Variants in PTPRD observed in about 807,000 individuals in gnomAD.
PTPRD encodes the protein receptor-type tyrosine-protein phosphatase delta.
Under a neutral mutation model 214.5 loss-of-function variants are expected in PTPRD, and 34 were observed. The observed-to-expected ratio is 0.16, with a 90% confidence interval of 0.12 to 0.21. The LOEUF (loss-of-function observed/expected upper bound fraction) is 0.21, where lower values mean the gene tolerates loss of function less well. Among genes scored for constraint, PTPRD ranks in the 10% least tolerant of loss-of-function variants. The pLI is 1.00. For missense variants in PTPRD, 2,545 were observed against 2,398.7 expected (o/e 1.06, Z -1.27); for synonymous variants, 1,128 against 845.7 (o/e 1.33, Z -5.79).
chr9:10,283,084 T>C (rs2154395368), intron 3 of PTPRD, among the ~76,000 whole-genome samples: 1 of 152,114 alleles, frequency 6.6e-6, no homozygotes, highest in Non-Finnish European at 1.5e-5. Flanking sequence ...AATTTAAGAC[T>C]TTCTCTTCTA....
intron 8 of PTPRD, among the ~76,000 whole-genome samples, chr9:9,495,326 G>GCAA (rs1288641433): frequency 2.3e-3 from 325 of 141,324 alleles, no homozygotes; most frequent in African/African-American, 7.6e-3. Flanking sequence ...AAAAAAAAAA[G>GCAA]CAACAACAAC....
intron 10 of PTPRD, among the ~76,000 whole-genome samples, chr9:9,124,530 A>G (rs2099823129): frequency 6.6e-6 from 1 of 152,176 alleles, no homozygotes; most frequent in South Asian, 2.1e-4. Context: ...TTATAAGACT[A>G]AAAACAATCA....
intron 9 of PTPRD, among the ~76,000 whole-genome samples, chr9:9,217,867 T>A (rs983997464): frequency 4.6e-5 from 7 of 152,162 alleles, no homozygotes; most frequent in African/African-American, 1.4e-4. Flanking sequence ...GGCTTCCTTT[T>A]TGAAGCCTTC....
intron 9 of PTPRD, among the ~76,000 whole-genome samples, chr9:9,285,874 CT>C (rs1461067412): frequency 6.6e-6 from 1 of 151,764 alleles, no homozygotes; most frequent in African/African-American, 2.4e-5. Context: ...CTATCTATAT[CT>C]GTATCTATAT....
At chr9:9,993,690 G>A (rs960655876) in intron 4 of PTPRD, among the ~76,000 whole-genome samples, 5 of 152,140 alleles carry the variant, frequency 3.3e-5, no homozygotes, top group Non-Finnish European at 7.4e-5. Context: ...TAACAAGAGT[G>A]ATATTTACTC....
In PTPRD at chr9:8,664,000, G is replaced by A. The variant is rs536907341; in HGVS notation, c.65-27156C>T. Reference sequence around the variant, plus strand: ...TTTCACACTGCTTACAGATCTTTCCGGATGTCATGGAAAAATATTTCCTGC... The same window carrying A: ...TTTCACACTGCTTACAGATCTTTCCAGATGTCATGGAAAAATATTTCCTGC... On this transcript the variant is annotated intron_variant, in intron 12 of 45. Transcript: ENST00000381196. Among the ~76,000 whole-genome samples the A allele has an allele frequency of 4.6e-5, 7 of 151,418 alleles. No individual in the cohort carries two copies. In the East Asian group the frequency reaches 9.7e-4, roughly 21 times the overall value.
At chr9:9,771,405 T>C (rs905069618) in intron 5 of PTPRD, among the ~76,000 whole-genome samples, 1 of 152,190 alleles carries the variant, frequency 6.6e-6, no homozygotes, top group Non-Finnish European at 1.5e-5. Context: ...GTGGTCAAAA[T>C]TCGATGTATC....
intron 10 of PTPRD, among the ~76,000 whole-genome samples, chr9:9,121,401 T>C (rs145940916): frequency 2.0e-5 from 3 of 152,050 alleles, no homozygotes; most frequent in East Asian, 3.9e-4. Flanking sequence ...CAAGTCACAA[T>C]AGGAAAATTG....
chr9:9,535,087 C>T (rs1322968478), intron 8 of PTPRD, among the ~76,000 whole-genome samples: 1 of 151,990 alleles, frequency 6.6e-6, no homozygotes, highest in East Asian at 1.9e-4. Context: ...TTTTCTTTTC[C>T]TTTGAGTGGC....
At chr9:9,761,909 T>A (rs1375329929) in intron 6 of PTPRD, among the ~76,000 whole-genome samples, 1 of 152,210 alleles carries the variant, frequency 6.6e-6, no homozygotes, top group African/African-American at 2.4e-5. Context: ...TATAATATTT[T>A]AATATTCATT....
At chr9:8,423,233 G>T (rs746207885) in intron 35 of PTPRD, among the ~76,000 whole-genome samples, 12 of 152,102 alleles carry the variant, frequency 7.9e-5, no homozygotes, top group African/African-American at 1.9e-4. Context: ...CGTCAATCCG[G>T]CTCAATAAGT....
intron 2 of PTPRD, among the ~76,000 whole-genome samples, chr9:10,489,683 G>A (rs2099154836): frequency 3.3e-5 from 5 of 152,138 alleles, no homozygotes; most frequent in Admixed American, 3.3e-4. Context: ...TCGGACCACT[G>A]GGATCAGCAA....
At chr9:9,520,023 T>G (rs963336319) in intron 8 of PTPRD, among the ~76,000 whole-genome samples, 1 of 151,264 alleles carries the variant, frequency 6.6e-6, no homozygotes, top group African/African-American at 2.5e-5. Context: ...AGACTTTCTT[T>G]AGAATAAAGT....
At chr9:9,927,491 G>A (rs1245590884) in intron 5 of PTPRD, among the ~76,000 whole-genome samples, 1 of 152,060 alleles carries the variant, frequency 6.6e-6, no homozygotes, top group African/African-American at 2.4e-5. Context: ...TCCTCAAGAA[G>A]CCTTCTCAGT....
At chr9:9,115,013 T>C (rs1239508814) in intron 10 of PTPRD, among the ~76,000 whole-genome samples, 1 of 152,150 alleles carries the variant, frequency 6.6e-6, no homozygotes, top group Non-Finnish European at 1.5e-5. Flanking sequence ...GAGAGGACCG[T>C]GTATAAGGTA....
Position 8,531,892 on chromosome 9 carries a change from G to A in PTPRD, c.353-3113C>T, listed in dbSNP as rs139402086. ...TATAGTCCTCACCTTGGGGATAGCC[G>A]ACAAAATTGACTTGTACCTTCCTGA... On this transcript the variant is annotated intron_variant, in intron 14 of 45. Transcript: ENST00000381196. Among the ~76,000 whole-genome samples the A allele has an allele frequency of 7.7e-3, 1,173 of 152,066 alleles. 17 individuals are homozygous for A. Among genetic ancestry groups the A allele is most frequent in the African/African-American group, 0.026 (1,075 of 41,488 alleles).
chr9:10,346,978 C>A (rs532913321), intron 2 of PTPRD, among the ~76,000 whole-genome samples: 1 of 152,094 alleles, frequency 6.6e-6, no homozygotes, highest in Non-Finnish European at 1.5e-5. Context: ...TACAATAAAC[C>A]AAATGTTTAA....
intron 4 of PTPRD, among the ~76,000 whole-genome samples, chr9:9,990,533 G>A (rs2095875942): frequency 1.3e-5 from 2 of 152,324 alleles, no homozygotes; most frequent in South Asian, 4.1e-4. Flanking sequence ...GCCAAGCAGA[G>A]CGGAAGTAAG....
At chr9:8,947,541 A>C (rs1331735970) in intron 11 of PTPRD, among the ~76,000 whole-genome samples, 1 of 152,022 alleles carries the variant, frequency 6.6e-6, no homozygotes, top group African/African-American at 2.4e-5. Flanking sequence ...CCTTAGAAAA[A>C]GTAACCAGTA....
Sources: gnomAD v4.1 joint callset for allele counts (sites outside exome capture counted in the v4.1 genomes callset) on GRCh38, gnomAD v4.1.1 for gene constraint, MANE v1.5 for transcripts, NCBI Gene and HGNC (gene_info 2026-07-23, HGNC 2026-07-21) for gene names.